Variants in CCBE1 observed in about 807,000 individuals in gnomAD.
The protein encoded by CCBE1 is collagen and calcium binding EGF domains 1.
CCBE1 carries 37 observed loss-of-function variants against 50.0 expected under a neutral mutation model. That is an observed-to-expected ratio of 0.74 (90% CI 0.57 to 0.97). The LOEUF (loss-of-function observed/expected upper bound fraction) is 0.97, where lower values mean the gene tolerates loss of function less well. Ranked by LOEUF, CCBE1 falls within the 50% of genes least tolerant of loss-of-function variation. The pLI is 0.00. For missense variants in CCBE1, 538 were observed against 523.8 expected, an observed-to-expected ratio of 1.03 and a Z score of -0.26; for synonymous variants, 234 against 203.7, an observed-to-expected ratio of 1.15 and a Z score of -1.27.
chr18:59,558,232 G>C (rs192031846), intron 2 of CCBE1, among the ~76,000 whole-genome samples: 15 of 152,188 alleles, frequency 9.9e-5, no homozygotes, highest in African/African-American at 3.4e-4. Flanking sequence ...CATGAACACA[G>C]TTTCTCTCAA....
At chr18:59,497,541 A>G (rs1295640492) in intron 2 of CCBE1, among the ~76,000 whole-genome samples, 4 of 152,228 alleles carry the variant, frequency 2.6e-5, no homozygotes, top group Non-Finnish European at 2.9e-5. Context: ...CACAGAATAG[A>G]TAAGGCCACT....
intron 2 of CCBE1, among the ~76,000 whole-genome samples, chr18:59,600,404 TGTAA>T (rs1224565226): frequency 6.6e-6 from 1 of 152,094 alleles, no homozygotes; most frequent in Non-Finnish European, 1.5e-5. Context: ...TGGTGAGTTG[TGTAA>T]GTATGTTACA....
At chr18:59,693,857 G>T (rs2144756148) in intron 2 of CCBE1, among the ~76,000 whole-genome samples, 1 of 134,008 alleles carries the variant, frequency 7.5e-6, no homozygotes, top group African/African-American at 3.0e-5. Flanking sequence ...TCTTGTTAAA[G>T]GAAAGCCTTT....
intron 2 of CCBE1, among the ~76,000 whole-genome samples, chr18:59,495,150 C>G (rs983459193): frequency 2.6e-5 from 4 of 152,056 alleles, no homozygotes; most frequent in African/African-American, 9.7e-5. Context: ...TAAAATAATT[C>G]CTTCTAGCTC....
chr18:59,545,302 C>T (rs1383021163), intron 2 of CCBE1, among the ~76,000 whole-genome samples: 1 of 149,084 alleles, frequency 6.7e-6, no homozygotes, highest in African/African-American at 2.4e-5. Context: ...TTATAAAAGA[C>T]TCCAAATATT....
intron 5 of CCBE1, among the ~76,000 whole-genome samples, 200 bp downstream of exon 5, chr18:59,466,539 A>G (rs748756659): frequency 1.8e-4 from 27 of 151,950 alleles, no homozygotes; most frequent in Non-Finnish European, 3.5e-4. Flanking sequence ...GTATAATTAC[A>G]TATAGGCACT....
At chr18:59,568,630 A>T (rs1207695598) in intron 2 of CCBE1, 1 of 152,240 alleles carries the variant, frequency 6.6e-6, no homozygotes, top group Non-Finnish European at 1.5e-5. Flanking sequence ...GCATCTGCTC[A>T]GTTCACCTGC....
chr18:59,465,074 C>G (rs546281874), intron 5 of CCBE1: 18 of 152,380 alleles, frequency 1.2e-4, no homozygotes, highest in Admixed American at 1.0e-3. Context: ...GCCTCAGGCC[C>G]TCTAAGTGGC....
intron 2 of CCBE1, among the ~76,000 whole-genome samples, chr18:59,625,435 A>AT (rs1444713549): frequency 6.0e-5 from 8 of 133,982 alleles, no homozygotes; most frequent in South Asian, 5.5e-4. Flanking sequence ...TGTCTCAAAA[A>AT]AAAAAAAAAA....
At chr18:59,673,002 G>A (rs571174286) in intron 2 of CCBE1, among the ~76,000 whole-genome samples, 1 of 151,376 alleles carries the variant, frequency 6.6e-6, no homozygotes, top group African/African-American at 2.4e-5. Context: ...AAAACCTATG[G>A]AAATAAAAAA....
chr18:59,596,880 A>G (rs1175568116), intron 2 of CCBE1, among the ~76,000 whole-genome samples: 1 of 152,234 alleles, frequency 6.6e-6, no homozygotes, highest in African/African-American at 2.4e-5. Flanking sequence ...TCCAGACATA[A>G]GCCACTAGTC....
At chr18:59,645,042 T>C (rs141944203) in intron 2 of CCBE1, among the ~76,000 whole-genome samples, 4 of 150,932 alleles carry the variant, frequency 2.7e-5, no homozygotes, top group Non-Finnish European at 5.9e-5. Context: ...GATCACGAGG[T>C]CAGGAGATCG....
At chr18:59,500,165 C>T (rs1214852539) in intron 2 of CCBE1, among the ~76,000 whole-genome samples, 1 of 152,134 alleles carries the variant, frequency 6.6e-6, no homozygotes, top group Non-Finnish European at 1.5e-5. Context: ...CTGGTGCTGG[C>T]CAGAGCATGG....
At chr18:59,454,385 C>T (rs1196027198) in intron 6 of CCBE1, among the ~76,000 whole-genome samples, 1 of 152,136 alleles carries the variant, frequency 6.6e-6, no homozygotes, top group East Asian at 1.9e-4. Flanking sequence ...GCTGGGATTA[C>T]AGGTGCCCAC....
intron 2 of CCBE1, among the ~76,000 whole-genome samples, chr18:59,573,338 G>A (rs2052946635): frequency 7.5e-6 from 1 of 133,010 alleles, no homozygotes; most frequent in Non-Finnish European, 1.6e-5. Flanking sequence ...ATCAGTTGAA[G>A]ACCTTAAGAG....
At chr18:59,536,737 C>T (rs1915265102) in intron 2 of CCBE1, among the ~76,000 whole-genome samples, 1 of 152,152 alleles carries the variant, frequency 6.6e-6, no homozygotes, top group Non-Finnish European at 1.5e-5. Flanking sequence ...CATCTGTAAT[C>T]TCTGCACTCT....
Position 59,451,433 on chromosome 18 carries a change from T to TAAAA in CCBE1, c.655-3334_655-3331dup, listed in dbSNP as rs34421089. Among the ~76,000 whole-genome samples, 740 of 99,330 alleles carry TAAAA rather than the reference T, an allele frequency of 7.4e-3. 14 individuals carry two copies. Among genetic ancestry groups the TAAAA allele is most frequent in the African/African-American group, 0.029 (702 of 24,270 alleles). 65.2% of individuals were successfully genotyped at this position (99,330 alleles called of 152,430 possible). The stretch of plus-strand genomic sequence containing the variant: ...CCCTGCTGCCAGAACACAAGCAACT[T>TAAAA]AAAAAAAAAAAAAAAAAAAAAAGGA... On this transcript the variant is annotated intron_variant, in intron 6 of 10. Transcript: ENST00000439986.
intron 2 of CCBE1, among the ~76,000 whole-genome samples, chr18:59,650,948 A>G (rs2144666012): frequency 6.6e-6 from 1 of 152,206 alleles, no homozygotes; most frequent in Non-Finnish European, 1.5e-5. Context: ...CATAGCTTCA[A>G]GACAGACAGA....
intron 2 of CCBE1, among the ~76,000 whole-genome samples, chr18:59,572,784 T>C (rs2052932801): frequency 6.6e-6 from 1 of 152,190 alleles, no homozygotes; most frequent in South Asian, 2.1e-4. Flanking sequence ...AGAACATTTG[T>C]GCTTCATTGA....
Sources: gnomAD v4.1 joint callset for allele counts (sites outside exome capture counted in the v4.1 genomes callset) on GRCh38, gnomAD v4.1.1 for gene constraint, MANE v1.5 for transcripts, NCBI Gene and HGNC (gene_info 2026-07-23, HGNC 2026-07-21) for gene names.